VPS26B: variants seen among roughly 807,000 people sequenced by gnomAD.
The protein encoded by VPS26B is vacuolar protein sorting-associated protein 26B.
VPS26B carries 10 observed loss-of-function variants against 33.3 expected under a neutral mutation model. That is an observed-to-expected ratio of 0.30 (90% CI 0.19 to 0.51). The LOEUF (loss-of-function observed/expected upper bound fraction) is 0.51, where lower values mean the gene tolerates loss of function less well. Ranked by LOEUF, VPS26B falls within the 20% of genes least tolerant of loss-of-function variation. The pLI is 0.98. For missense variants in VPS26B, 317 were observed against 452.7 expected (o/e 0.70, Z 2.72); for synonymous variants, 190 against 176.9 (o/e 1.07, Z -0.59).
Position 134,245,381 on chromosome 11 carries a change from C to G in VPS26B, c.865-63C>G. 2 of 1,599,736 alleles carry G rather than the reference C, an allele frequency of 1.3e-6. No individual in the cohort carries two copies. Among genetic ancestry groups the G allele is most frequent in the Non-Finnish European group, 8.6e-7 (1 of 1,169,206 alleles). The stretch of plus-strand genomic sequence containing the variant: ...TTCCCCACGTCAAAGTTGGGAGCCT[C>G]TAGGAAACCTGTCCCCATGCCTCCC... On this transcript the variant is annotated intron_variant, in intron 5 of 5. Coordinates refer to ENST00000281187, the MANE Select transcript of VPS26B (RefSeq NM_052875.5). The surrounding 1 kb of genome is among the most constrained non-coding windows in gnomAD (Gnocchi z 4.7).
In VPS26B at chr11:134,242,117, T is replaced by C. The variant is rs940262636; in HGVS notation, c.546-1002T>C. On this transcript the variant is annotated intron_variant, in intron 3 of 5. Coordinates refer to ENST00000281187, the MANE Select transcript of VPS26B (RefSeq NM_052875.5). Reference sequence around the variant, plus strand: ...ACAGGAATGTGTGATTTGTAGGAGTTTGAAAACATCTCGAATCCATGGTCT... The same window carrying C: ...ACAGGAATGTGTGATTTGTAGGAGTCTGAAAACATCTCGAATCCATGGTCT... Among the ~76,000 whole-genome samples the C allele has an allele frequency of 2.0e-5, 3 of 152,248 alleles. 1 individual carries two copies. The highest frequency in any genetic ancestry group is 1.9e-4 in the East Asian group (1 of 5,204).
intron 1 of VPS26B, among the ~76,000 whole-genome samples, chr11:134,233,677 A>T (rs1938590413): frequency 6.6e-6 from 1 of 152,026 alleles, no homozygotes; most frequent in Non-Finnish European, 1.5e-5. Context: ...GTGAGTCGAG[A>T]TCACACTACT....
intron 1 of VPS26B, among the ~76,000 whole-genome samples, chr11:134,227,898 A>G (rs1329509683): frequency 6.6e-6 from 1 of 152,204 alleles, no homozygotes; most frequent in Non-Finnish European, 1.5e-5. Flanking sequence ...TACCTGTTTT[A>G]CCTGAAGAAG....
chr11:134,241,830 C>T, intron 3 of VPS26B, among the ~76,000 whole-genome samples: 1 of 152,250 alleles, frequency 6.6e-6, no homozygotes, highest in East Asian at 1.9e-4. Flanking sequence ...CCTGCTCTTA[C>T]ACTAAGAAGT....
intron 3 of VPS26B, among the ~76,000 whole-genome samples, chr11:134,242,828 A>C (rs1209218693): frequency 6.6e-6 from 1 of 152,268 alleles, no homozygotes; most frequent in Non-Finnish European, 1.5e-5. Context: ...TATAAAAGGT[A>C]CTAAAGCAGC....
intron 1 of VPS26B, among the ~76,000 whole-genome samples, chr11:134,229,566 T>C (rs1436066359): frequency 6.6e-5 from 10 of 152,212 alleles, no homozygotes; most frequent in African/African-American, 2.4e-4. Flanking sequence ...CTCAGAAATC[T>C]AGAAGTCATT....
chr11:134,225,174 G>T lies in VPS26B; in HGVS notation c.52G>T (p.Asp18Tyr), dbSNP rs1480395792. ...CGTGGAGGTGGAAATCCTTCTGAACGATGCAGAGAGTAGGAAGCGGGCCGA... is the reference window on the plus strand; with the variant it reads ...CGTGGAGGTGGAAATCCTTCTGAACTATGCAGAGAGTAGGAAGCGGGCCGA... ...QSVEVEILLN[D>Y]AESRKRAEHK... Residue 18 changes from aspartate (D) to tyrosine (Y), a missense_variant, in exon 1 of 6, where the codon GAT becomes TAT. Physicochemically the swap from Asp to Tyr is radical, Grantham distance 160. Transcript: ENST00000281187. The T allele has an allele frequency of 6.2e-7, 1 of 1,613,926 alleles. No homozygotes were observed. Among genetic ancestry groups the T allele is most frequent in the East Asian group, 2.2e-5 (1 of 44,878 alleles).
At chr11:134,235,080 T>C in intron 2 of VPS26B, 27 bp downstream of exon 2, 1 of 1,607,864 alleles carries the variant, frequency 6.2e-7, no homozygotes, top group Non-Finnish European at 8.5e-7. Flanking sequence ...GGTTCCCCAC[T>C]GTACCCTAGA....
intron 3 of VPS26B, among the ~76,000 whole-genome samples, chr11:134,241,468 G>C (rs1002916642): frequency 6.6e-6 from 1 of 152,230 alleles, no homozygotes; most frequent in African/African-American, 2.4e-5. Flanking sequence ...TGAACAGAGA[G>C]TGAGGCAAGG....
In VPS26B at chr11:134,245,903, A is replaced by G. The variant is rs566779129; in HGVS notation, c.*313A>G. 3 of 328,798 alleles carry G rather than the reference A, an allele frequency of 9.1e-6. No homozygotes were observed. The highest frequency in any genetic ancestry group is 1.1e-4 in the East Asian group (2 of 18,256). The allele number at this position is 328,798 out of a possible 1,614,324, so 20.4% of individuals were successfully genotyped here. A position where few individuals can be genotyped will look rare whatever the true frequency, so the allele number is the denominator to read the frequency against. Reference sequence around the variant, plus strand: ...GCGTCTTAGAGGAGGGAGAGCAGAGAGCACGCATCCTTGGCTCCTGGCTCT... The same window carrying G: ...GCGTCTTAGAGGAGGGAGAGCAGAGGGCACGCATCCTTGGCTCCTGGCTCT... On this transcript the variant is annotated 3_prime_UTR_variant, in exon 6 of 6. Coordinates refer to ENST00000281187, the MANE Select transcript of VPS26B (RefSeq NM_052875.5). This position sits in a 1 kb window ranked among gnomAD's most constrained non-coding sequence, Gnocchi z 4.7.
Position 134,241,759 on chromosome 11 carries a change from C to T in VPS26B, c.546-1360C>T, listed in dbSNP as rs114388850. ...TCAGACCACACCTCTCCTTGCACAG[C>T]GAGCTGCTCTGTGTGAGTGCCTGAT... On this transcript the variant is annotated intron_variant, in intron 3 of 5. Transcript: ENST00000281187. 2.7e-3 allele frequency among the ~76,000 whole-genome samples: 406 copies of T among 152,348 alleles called. 3 individuals carry two copies. Among genetic ancestry groups the T allele is most frequent in the African/African-American group, 9.5e-3 (396 of 41,586 alleles).
chr11:134,233,673 C>T (rs1221035067), intron 1 of VPS26B, among the ~76,000 whole-genome samples: 13 of 151,968 alleles, frequency 8.6e-5, no homozygotes, highest in African/African-American at 1.9e-4. Context: ...TGCAGTGAGT[C>T]GAGATCACAC....
chr11:134,240,774 CGTGTGT>C lies in VPS26B; in HGVS notation c.545+632_545+637del, dbSNP rs145007065. ...CCGCCACACCCAGCTAATTTGTGTC[CGTGTGT>C]GTGTGTGTGTGTCCGTGTGTGTGTG... is the stretch of plus-strand genomic sequence containing the variant. On this transcript the variant is annotated intron_variant, in intron 3 of 5. Coordinates refer to ENST00000281187, the MANE Select transcript of VPS26B (RefSeq NM_052875.5). The surrounding 1 kb of genome is among the most constrained non-coding windows in gnomAD (Gnocchi z 4.4). Among the ~76,000 whole-genome samples the C allele has an allele frequency of 8.0e-5, 11 of 137,932 alleles. No individual in the cohort carries two copies. The highest frequency in any genetic ancestry group is 2.7e-4 in the South Asian group (1 of 3,762). 90.5% of individuals were successfully genotyped at this position (137,932 alleles called of 152,430 possible).
chr11:134,243,614 C>T, intron 4 of VPS26B: 1 of 281,502 alleles, frequency 3.6e-6, no homozygotes, highest in Non-Finnish European at 6.7e-6. Context: ...GAAAACGTTT[C>T]TGCTTCTTCC....
Position 134,240,272 on chromosome 11 carries a change from T to TG in VPS26B, c.545+122dup. The stretch of plus-strand genomic sequence containing the variant: ...TCGACTGCTTTGTGGTGGCATGCGG[T>TG]GGGGGAAGACCGTGGGAGCAATCCA... On this transcript the variant is annotated intron_variant, in intron 3 of 5. Coordinates refer to ENST00000281187, the MANE Select transcript of VPS26B (RefSeq NM_052875.5). The surrounding 1 kb of genome is among the most constrained non-coding windows in gnomAD (Gnocchi z 4.4). 8.2e-7 allele frequency: 1 copy of TG among 1,221,186 alleles called. No homozygotes were observed. The highest frequency in any genetic ancestry group is 1.2e-6 in the Non-Finnish European group (1 of 855,338). The allele number at this position is 1,221,186 out of a possible 1,614,324, so 75.6% of individuals were successfully genotyped here.
chr11:134,235,169 C>T (rs988888682), intron 2 of VPS26B, 116 bp downstream of exon 2: 45 of 1,356,260 alleles, frequency 3.3e-5, no homozygotes, highest in African/African-American at 3.1e-4. Flanking sequence ...GGAAGAGTGT[C>T]GCGAGCTGTG....
At chr11:134,228,855 C>T (rs1938516713) in intron 1 of VPS26B, among the ~76,000 whole-genome samples, 1 of 152,082 alleles carries the variant, frequency 6.6e-6, no homozygotes, top group African/African-American at 2.4e-5. Flanking sequence ...GGTGGAACTT[C>T]AGTCTGTTCT....
intron 1 of VPS26B, among the ~76,000 whole-genome samples, chr11:134,231,225 A>ATT (rs57671452): frequency 2.8e-5 from 4 of 144,572 alleles, no homozygotes; most frequent in African/African-American, 7.6e-5. Flanking sequence ...CATTATCTGG[A>ATT]TTTTTTTTTT....
intron 2 of VPS26B, chr11:134,236,271 C>T (rs545345024): frequency 2.0e-5 from 3 of 152,216 alleles, no homozygotes; most frequent in African/African-American, 7.2e-5. Flanking sequence ...ATGCAGCAAC[C>T]GCGAGGATCA....
Sources: gnomAD v4.1 joint callset for allele counts (sites outside exome capture counted in the v4.1 genomes callset) on GRCh38, gnomAD v4.1.1 for gene constraint, Gnocchi (gnomAD v3.1) non-coding constraint, MANE v1.5 for transcripts, NCBI Gene and HGNC (gene_info 2026-07-23, HGNC 2026-07-21) for gene names.